The following CCDC60 variants were observed in gnomAD, a reference collection of about 807,000 sequenced individuals.
The protein encoded by CCDC60 is coiled-coil domain-containing protein 60.
A neutral mutation model predicts 63.5 loss-of-function variants in CCDC60; 54 were observed. The observed-to-expected ratio is 0.85, with a 90% confidence interval of 0.68 to 1.07. CCDC60 has a LOEUF of 1.07. CCDC60 is among the 50% of genes least tolerant of loss of function. The probability of loss-of-function intolerance (pLI) is 0.00; values close to 1 mark genes in which losing one functional copy is unlikely to be tolerated. For synonymous variants in CCDC60, 206 were observed against 238.8 expected (o/e 0.86, Z 1.27); for missense variants, 651 against 684.3 (o/e 0.95, Z 0.54).
chr12:119,477,116 T>C (rs1220997471), intron 3 of CCDC60, among the ~76,000 whole-genome samples: 4 of 152,198 alleles, frequency 2.6e-5, no homozygotes, highest in Admixed American at 2.6e-4. Flanking sequence ...TTCGTGAGCT[T>C]GGTTCCTTTC....
At chr12:119,529,276 T>C (rs1952772436) in intron 12 of CCDC60, among the ~76,000 whole-genome samples, 1 of 152,152 alleles carries the variant, frequency 6.6e-6, no homozygotes, top group Non-Finnish European at 1.5e-5. Context: ...AAATTGTCCA[T>C]TTTATCCCCC....
chr12:119,497,678 G>T (rs763035024), intron 5 of CCDC60, among the ~76,000 whole-genome samples: 1 of 152,070 alleles, frequency 6.6e-6, no homozygotes, highest in Non-Finnish European at 1.5e-5. Flanking sequence ...GAAGGCTGGA[G>T]GCTCAGCAGG....
chr12:119,438,914 G>A (rs1297563566), intron 2 of CCDC60, among the ~76,000 whole-genome samples: 13 of 151,940 alleles, frequency 8.6e-5, no homozygotes, highest in Admixed American at 3.3e-4. Context: ...AAAAACCCCC[G>A]TTCTGCTTCC....
At chr12:119,523,869 A>G in intron 11 of CCDC60, 51 bp downstream of exon 11, 1 of 1,582,732 alleles carries the variant, frequency 6.3e-7, no homozygotes, top group Non-Finnish European at 8.6e-7. Flanking sequence ...CTGGGTACCT[A>G]CTATATGCCT....
intron 2 of CCDC60, among the ~76,000 whole-genome samples, chr12:119,442,199 A>G (rs1448704523): frequency 6.6e-6 from 1 of 152,156 alleles, no homozygotes; most frequent in Non-Finnish European, 1.5e-5. Context: ...TTGCTTTTTT[A>G]TTTAGCAAAA....
At chr12:119,526,553 A>C (rs371842772) in intron 11 of CCDC60, among the ~76,000 whole-genome samples, 2 of 152,240 alleles carry the variant, frequency 1.3e-5, no homozygotes, top group East Asian at 3.8e-4. Context: ...TAAGGAACTT[A>C]AAGAAATTTA....
At chr12:119,485,291 G>A (rs970694272) in intron 4 of CCDC60, among the ~76,000 whole-genome samples, 4 of 152,260 alleles carry the variant, frequency 2.6e-5, no homozygotes, top group African/African-American at 9.6e-5. Context: ...AGCAAGCATG[G>A]TGAGCTTGAG....
intron 2 of CCDC60, among the ~76,000 whole-genome samples, chr12:119,454,572 A>G (rs1000750524): frequency 6.6e-6 from 1 of 152,174 alleles, no homozygotes; most frequent in Non-Finnish European, 1.5e-5. Flanking sequence ...CTACCCAATT[A>G]TCTAAACCAG....
intron 7 of CCDC60, among the ~76,000 whole-genome samples, chr12:119,514,783 G>A (rs1593200345): frequency 1.3e-5 from 2 of 152,160 alleles, no homozygotes; most frequent in East Asian, 1.9e-4. Context: ...CTAGGCCTTC[G>A]AATTCACTCA....
chr12:119,399,740 A>G (rs1028765343), intron 1 of CCDC60, among the ~76,000 whole-genome samples: 7 of 152,160 alleles, frequency 4.6e-5, no homozygotes, highest in African/African-American at 1.7e-4. Context: ...GCCCTCCCAC[A>G]TCGCACCCTG....
chr12:119,400,840 G>A (rs935922519), intron 1 of CCDC60, among the ~76,000 whole-genome samples: 7 of 152,064 alleles, frequency 4.6e-5, no homozygotes, highest in African/African-American at 1.2e-4. Flanking sequence ...TGGCCATCCC[G>A]GAGAGCCCAT....
At chr12:119,399,103 A>T (rs938120495) in intron 1 of CCDC60, among the ~76,000 whole-genome samples, 5 of 152,216 alleles carry the variant, frequency 3.3e-5, no homozygotes, top group Non-Finnish European at 7.3e-5. Flanking sequence ...GGAGAAAAAA[A>T]ATATAGGATG....
At position 119,420,166 on chromosome 12, in the gene CCDC60, A is replaced by G. The variant is rs1223969830; in HGVS notation, c.91-8517A>G. Among the ~76,000 whole-genome samples, 1 of 152,082 alleles carries G rather than the reference A, an allele frequency of 6.6e-6. No homozygotes were observed. The highest frequency in any genetic ancestry group is 2.4e-5 in the African/African-American group (1 of 41,416). ...GCTGAGATTACAGGTATAAGCCACC[A>G]TGCCCGGCCTGTTAAGTAATTCTAT... On this transcript the variant is annotated intron_variant, in intron 1 of 13. Transcript: ENST00000327554. The surrounding 1 kb of genome is among the most constrained non-coding windows in gnomAD (Gnocchi z 4.1).
intron 1 of CCDC60, among the ~76,000 whole-genome samples, chr12:119,359,152 T>C (rs1384745960): frequency 1.3e-5 from 2 of 152,234 alleles, no homozygotes; most frequent in East Asian, 3.8e-4. Context: ...TGCTTAGTAG[T>C]ATCATATTGT....
intron 4 of CCDC60, among the ~76,000 whole-genome samples, chr12:119,482,028 T>C (rs1376138479): frequency 7.6e-6 from 1 of 132,412 alleles, no homozygotes; most frequent in Non-Finnish European, 1.7e-5. Context: ...TGTATATATG[T>C]GTGTATATAT....
chr12:119,526,839 G>A (rs1340994411), intron 11 of CCDC60, among the ~76,000 whole-genome samples: 1 of 152,164 alleles, frequency 6.6e-6, no homozygotes, highest in Admixed American at 6.5e-5. Context: ...CAACCATTGT[G>A]GAAAGCAATA....
chr12:119,514,234 T>G (rs2097640), intron 7 of CCDC60, among the ~76,000 whole-genome samples: 9,326 of 152,096 alleles, frequency 0.061, 382 homozygotes, highest in Middle Eastern at 0.099. Context: ...TGGAGTGCAG[T>G]GGCGCAGTCT....
intron 5 of CCDC60, among the ~76,000 whole-genome samples, chr12:119,499,277 C>G (rs1231237317): frequency 1.3e-5 from 2 of 152,054 alleles, no homozygotes; most frequent in African/African-American, 4.8e-5. Context: ...CAACCCATGA[C>G]AGGAGGATCC....
rs1214550050 is a variant in CCDC60, at chr12:119,456,045, AAG to A, written c.171-15947_171-15946del. On this transcript the variant is annotated intron_variant, in intron 2 of 13. Transcript: ENST00000327554. The surrounding 1 kb of genome is among the most constrained non-coding windows in gnomAD (Gnocchi z 4.6). ...AAAGAAAGAAAGAAAGAAAGAAAGAAAGAAAGAAAGAAAGAAAGCAAGCAAGC... is the reference window on the plus strand; with the variant it reads ...AAAGAAAGAAAGAAAGAAAGAAAGAAAAAGAAAGAAAGAAAGCAAGCAAGC... Among the ~76,000 whole-genome samples the A allele has an allele frequency of 1.5e-4, 22 of 147,116 alleles. No individual in the cohort carries two copies. Among genetic ancestry groups the A allele is most frequent in the Non-Finnish European group, 2.7e-4 (18 of 67,152 alleles).
Sources: gnomAD v4.1 joint callset for allele counts (sites outside exome capture counted in the v4.1 genomes callset) on GRCh38, gnomAD v4.1.1 for gene constraint, Gnocchi (gnomAD v3.1) non-coding constraint, MANE v1.5 for transcripts, NCBI Gene and HGNC (gene_info 2026-07-23, HGNC 2026-07-21) for gene names.